Variants in TP53BP1 observed in about 807,000 individuals in gnomAD.
The protein encoded by TP53BP1 is tumor protein p53 binding protein 1, also known as TP53-binding protein 1.
A neutral mutation model predicts 200.8 loss-of-function variants in TP53BP1; 61 were observed. That is an observed-to-expected ratio of 0.30 (90% CI 0.25 to 0.38). TP53BP1 has a LOEUF of 0.38. Among genes scored for constraint, TP53BP1 ranks in the 10% least tolerant of loss-of-function variants. TP53BP1 has a pLI of 1.00. For missense variants in TP53BP1, 2,144 were observed against 2,371.9 expected (o/e 0.90, Z 2.00); for synonymous variants, 822 against 844.3 (o/e 0.97, Z 0.46).
At chr15:43,477,998 A>G (rs2078909176) in intron 7 of TP53BP1, among the ~76,000 whole-genome samples, 1 of 152,190 alleles carries the variant, frequency 6.6e-6, no homozygotes, top group Non-Finnish European at 1.5e-5. Flanking sequence ...ACTCTGCTCA[A>G]TACTGTGCTT....
chr15:43,450,876 T>C (rs1287160679), intron 12 of TP53BP1, among the ~76,000 whole-genome samples: 2 of 152,170 alleles, frequency 1.3e-5, no homozygotes, highest in African/African-American at 4.8e-5. Flanking sequence ...ATGCATTATT[T>C]ATTTACTTAT....
At chr15:43,468,958 G>C (rs927268091) in intron 11 of TP53BP1, among the ~76,000 whole-genome samples, 5 of 152,040 alleles carry the variant, frequency 3.3e-5, no homozygotes, top group African/African-American at 1.2e-4. Context: ...TCTTCCTACT[G>C]TCCCCTCCTC....
chr15:43,497,331 G>A (rs900852195), upstream of TP53BP1: 2 of 806,128 alleles, frequency 2.5e-6, no homozygotes, highest in Non-Finnish European at 1.5e-6. Flanking sequence ...AGTGAGCCGA[G>A]ATCGCACCAC....
intron 24 of TP53BP1, 88 bp from the exon 25 acceptor site, chr15:43,409,829 C>T: frequency 1.7e-6 from 1 of 587,504 alleles, no homozygotes; most frequent in Admixed American, 3.2e-5. Flanking sequence ...CCCCCTTTTC[C>T]ACTCCCCAGC....
rs906559930 is a variant in TP53BP1, at chr15:43,404,069, C to G, written c.*3314G>C. ...GGTTGTTCTAACTTCCTCACATCCT[C>G]CCCCCTCCTTACTTCCTTGAACTAA... On this transcript the variant is annotated 3_prime_UTR_variant, in exon 28 of 28. Transcript: ENST00000382044. 4.0e-5 allele frequency: 21 copies of G among 521,740 alleles called. No homozygotes were observed. The highest frequency in any genetic ancestry group is 3.7e-5 in the Non-Finnish European group (11 of 293,410). 32.3% of individuals were successfully genotyped at this position (521,740 alleles called of 1,614,324 possible).
chr15:43,451,015 C>T (rs987968741), intron 12 of TP53BP1, among the ~76,000 whole-genome samples: 2 of 152,138 alleles, frequency 1.3e-5, no homozygotes, highest in East Asian at 1.9e-4. Context: ...ACTGGAATTA[C>T]GCGTGCACGC....
chr15:43,417,578 A>T (rs2045296584), intron 21 of TP53BP1, among the ~76,000 whole-genome samples: 1 of 152,256 alleles, frequency 6.6e-6, no homozygotes, highest in South Asian at 2.1e-4. Flanking sequence ...GAAATGGGAC[A>T]CAGAATCCCC....
chr15:43,480,584 C>G (rs2078949865), intron 5 of TP53BP1, among the ~76,000 whole-genome samples: 1 of 152,136 alleles, frequency 6.6e-6, no homozygotes, highest in African/African-American at 2.4e-5. Flanking sequence ...ACATCATAAA[C>G]TACACCCACA....
At chr15:43,425,264 C>T (rs2045500538) in intron 18 of TP53BP1, among the ~76,000 whole-genome samples, 1 of 152,158 alleles carries the variant, frequency 6.6e-6, no homozygotes, top group South Asian at 2.1e-4. Flanking sequence ...AACCTTTTCC[C>T]TCCATCAAAC....
intron 4 of TP53BP1, among the ~76,000 whole-genome samples, chr15:43,485,356 T>C (rs2079030774): frequency 6.6e-6 from 1 of 151,824 alleles, no homozygotes; most frequent in Non-Finnish European, 1.5e-5. Context: ...GGCGGGCGGA[T>C]CACGAGGTCA....
intron 1 of TP53BP1, among the ~76,000 whole-genome samples, chr15:43,501,752 A>G (rs2079210390): frequency 6.6e-6 from 1 of 152,140 alleles, no homozygotes; most frequent in South Asian, 2.1e-4. Flanking sequence ...TTTGCTCAAC[A>G]TTTTGCATGT....
At chr15:43,421,649 G>T in intron 19 of TP53BP1, 1 of 679,956 alleles carries the variant, frequency 1.5e-6, no homozygotes, top group Non-Finnish European at 2.4e-6. Context: ...GGGCTGCTTT[G>T]CCAATGAAGT....
intron 4 of TP53BP1, among the ~76,000 whole-genome samples, chr15:43,487,925 G>A (rs967864201): frequency 6.6e-6 from 1 of 152,120 alleles, no homozygotes; most frequent in African/African-American, 2.4e-5. Context: ...CCACGGCATG[G>A]AAGACTACTC....
chr15:43,436,188 A>C (rs1000959623), intron 16 of TP53BP1, among the ~76,000 whole-genome samples: 2 of 151,982 alleles, frequency 1.3e-5, no homozygotes, highest in Admixed American at 6.6e-5. Flanking sequence ...ACGAAGTTTC[A>C]CCATGATGCC....
chr15:43,466,948 G>A (rs1046973522), intron 11 of TP53BP1, among the ~76,000 whole-genome samples: 2 of 152,192 alleles, frequency 1.3e-5, no homozygotes, highest in African/African-American at 4.8e-5. Context: ...TTATCTTTGG[G>A]TAGGAAGAGG....
intron 18 of TP53BP1, among the ~76,000 whole-genome samples, chr15:43,422,905 G>C (rs1430922146): frequency 1.3e-5 from 2 of 151,672 alleles, no homozygotes; most frequent in African/African-American, 4.9e-5. Context: ...TGAGGTGGGA[G>C]GATCACTTGA....
chr15:43,457,251 T>C, intron 11 of TP53BP1, 33 bp from the exon 12 acceptor site: 6 of 1,529,730 alleles, frequency 3.9e-6, no homozygotes, highest in Non-Finnish European at 5.3e-6. Context: ...AAATTGTAAT[T>C]TGTACATGAT....
Position 43,405,317 on chromosome 15 carries a change from T to A in TP53BP1, c.*2066A>T. 7.4e-7 allele frequency: 1 copy of A among 1,342,826 alleles called. No individual in the cohort carries two copies. Among genetic ancestry groups the A allele is most frequent in the Non-Finnish European group, 1.1e-6 (1 of 940,480 alleles). 83.2% of individuals were successfully genotyped at this position (1,342,826 alleles called of 1,614,324 possible). A position where few individuals can be genotyped will look rare whatever the true frequency, so the allele number is the denominator to read the frequency against. ...CCACACACAAATAAATATCTGCGGC[T>A]TAGTGATAGGACTCTACCTTTTCTC... On this transcript the variant is annotated 3_prime_UTR_variant, in exon 28 of 28. Coordinates refer to ENST00000382044, the MANE Select transcript of TP53BP1 (RefSeq NM_001141980.3).
chr15:43,474,401 C>T (rs2046803476), intron 10 of TP53BP1, among the ~76,000 whole-genome samples: 2 of 138,896 alleles, frequency 1.4e-5, no homozygotes, highest in African/African-American at 2.9e-5. Context: ...GCGCCGAGAG[C>T]GAGCGAGGGC....
Sources: gnomAD v4.1 joint callset for allele counts (sites outside exome capture counted in the v4.1 genomes callset) on GRCh38, gnomAD v4.1.1 for gene constraint, MANE v1.5 for transcripts, NCBI Gene and HGNC (gene_info 2026-07-23, HGNC 2026-07-21) for gene names.